Variants in CLYBL observed in about 807,000 individuals in gnomAD.
CLYBL encodes the protein citramalyl-CoA lyase, mitochondrial.
Under a neutral mutation model 38.9 loss-of-function variants are expected in CLYBL, and 31 were observed. That is an observed-to-expected ratio of 0.80 (90% CI 0.60 to 1.08). CLYBL has a LOEUF of 1.08. CLYBL is among the 50% of genes least tolerant of loss of function. The probability of loss-of-function intolerance (pLI) is 0.00; values close to 1 mark genes in which losing one functional copy is unlikely to be tolerated. For synonymous variants in CLYBL, 171 were observed against 158.6 expected, an observed-to-expected ratio of 1.08 and a Z score of -0.59; for missense variants, 434 against 411.6, an observed-to-expected ratio of 1.05 and a Z score of -0.47.
At chr13:99,673,270 G>C (rs1256729567) in intron 1 of CLYBL, among the ~76,000 whole-genome samples, 2 of 151,936 alleles carry the variant, frequency 1.3e-5, no homozygotes, top group South Asian at 4.2e-4. Flanking sequence ...AAAATTAGCC[G>C]GGCATGGTGG....
intron 2 of CLYBL, among the ~76,000 whole-genome samples, chr13:99,788,795 C>T (rs969993674): frequency 6.6e-6 from 1 of 152,130 alleles, no homozygotes; most frequent in East Asian, 1.9e-4. Flanking sequence ...CCTCCTTGTA[C>T]CTCTGGTAGA....
intron 1 of CLYBL, among the ~76,000 whole-genome samples, chr13:99,716,791 T>TTTTC (rs1566299495): frequency 1.4e-5 from 2 of 142,910 alleles, no homozygotes; most frequent in Admixed American, 6.9e-5. Flanking sequence ...TCTTTTCTTT[T>TTTTC]TTTTTTTTTT....
intron 1 of CLYBL, among the ~76,000 whole-genome samples, chr13:99,607,999 C>T (rs1164476361): frequency 1.3e-5 from 2 of 151,644 alleles, no homozygotes; most frequent in East Asian, 1.9e-4. Flanking sequence ...CCCGGATCAG[C>T]CTCCCAAAGT....
chr13:99,685,108 T>C (rs527386596), intron 1 of CLYBL, among the ~76,000 whole-genome samples: 1 of 152,336 alleles, frequency 6.6e-6, no homozygotes, highest in Non-Finnish European at 1.5e-5. Flanking sequence ...TTAAAGTCCA[T>C]AGGAGTCTTG....
At chr13:99,699,314 G>A (rs1248519576) in intron 1 of CLYBL, among the ~76,000 whole-genome samples, 1 of 152,246 alleles carries the variant, frequency 6.6e-6, no homozygotes, top group East Asian at 1.9e-4. Flanking sequence ...GAACCCGGGA[G>A]GTGGAGGTTG....
At chr13:99,643,872 G>A (rs2047131487) in intron 1 of CLYBL, among the ~76,000 whole-genome samples, 1 of 152,022 alleles carries the variant, frequency 6.6e-6, no homozygotes, top group Non-Finnish European at 1.5e-5. Context: ...TGGGAGTGGT[G>A]GCGGCGCCTG....
chr13:99,797,031 G>A (rs1332422265), intron 2 of CLYBL, among the ~76,000 whole-genome samples: 2 of 152,192 alleles, frequency 1.3e-5, no homozygotes, highest in African/African-American at 4.8e-5. Context: ...TGGGTTACAT[G>A]TGATCAATAT....
intron 1 of CLYBL, among the ~76,000 whole-genome samples, chr13:99,735,304 C>G (rs1054070199): frequency 2.6e-5 from 4 of 152,180 alleles, no homozygotes; most frequent in African/African-American, 9.7e-5. Flanking sequence ...AGCCATCCTC[C>G]CGCCTCAGCC....
rs536629983 is a variant in CLYBL at position 99,728,271 on chromosome 13, T to C, written c.63-44553T>C. Among the ~76,000 whole-genome samples, 485 of 135,646 alleles carry C rather than the reference T, an allele frequency of 3.6e-3. 3 individuals carry two copies. Among genetic ancestry groups the C allele is most frequent in the Non-Finnish European group, 4.9e-3 (314 of 63,738 alleles). The allele number at this position is 135,646 out of a possible 152,430, so 89.0% of individuals were successfully genotyped here. A position where few individuals can be genotyped will look rare whatever the true frequency, so the allele number is the denominator to read the frequency against. ...TTAATACTTAATATACATATGTTTCTTTTCTTTTCTTTTTTTTTTTTTTTT... is the reference window on the plus strand; with the variant it reads ...TTAATACTTAATATACATATGTTTCCTTTCTTTTCTTTTTTTTTTTTTTTT... On this transcript the variant is annotated intron_variant, in intron 1 of 8. Transcript: ENST00000339105.
At chr13:99,854,846 G>A (rs2051420397) in intron 2 of CLYBL, among the ~76,000 whole-genome samples, 1 of 152,132 alleles carries the variant, frequency 6.6e-6, no homozygotes, top group Non-Finnish European at 1.5e-5. Context: ...AGCACGCCTT[G>A]GTTCCTGGCC....
intron 6 of CLYBL, among the ~76,000 whole-genome samples, chr13:99,870,185 C>T (rs1218662903): frequency 6.6e-6 from 1 of 151,854 alleles, no homozygotes; most frequent in Non-Finnish European, 1.5e-5. Context: ...TTCTATAAGC[C>T]AAAAGGGAAA....
At chr13:99,712,174 A>T (rs2048244316) in intron 1 of CLYBL, among the ~76,000 whole-genome samples, 1 of 152,130 alleles carries the variant, frequency 6.6e-6, no homozygotes, top group Non-Finnish European at 1.5e-5. Context: ...TCTGCTATGG[A>T]AGTTGAAGAC....
At chr13:99,713,029 T>C (rs1488277787) in intron 1 of CLYBL, among the ~76,000 whole-genome samples, 2 of 152,204 alleles carry the variant, frequency 1.3e-5, no homozygotes, top group African/African-American at 2.4e-5. Flanking sequence ...TCTTCAGACT[T>C]CATGGAAAAC....
chr13:99,810,503 G>A (rs1314252445), intron 2 of CLYBL, among the ~76,000 whole-genome samples: 1 of 152,172 alleles, frequency 6.6e-6, no homozygotes, highest in African/African-American at 2.4e-5. Flanking sequence ...GCACTGCCAA[G>A]AAACTGTGAG....
Position 99,836,274 on chromosome 13 carries a change from C to T in CLYBL, c.250-22587C>T, listed in dbSNP as rs188961189. ...GAGACGCAGATCTAGAAGATGTCTC[C>T]CTCTACCCCTGGCCCTGCATACAGG... On this transcript the variant is annotated intron_variant, in intron 2 of 8. Coordinates refer to ENST00000339105, the MANE Select transcript of CLYBL (RefSeq NM_206808.5). Among the ~76,000 whole-genome samples the T allele has an allele frequency of 2.4e-3, 372 of 152,070 alleles. 2 individuals carry two copies. The highest frequency in any genetic ancestry group is 8.5e-3 in the African/African-American group (350 of 41,382).
intron 8 of CLYBL, among the ~76,000 whole-genome samples, chr13:99,904,703 A>G (rs1163355132): frequency 6.6e-6 from 1 of 152,186 alleles, no homozygotes; most frequent in Non-Finnish European, 1.5e-5. Flanking sequence ...TACTTAAAGC[A>G]TATAAGTAAA....
At chr13:99,877,554 T>C (rs2052077453) in intron 7 of CLYBL, 2 of 357,554 alleles carry the variant, frequency 5.6e-6, no homozygotes, top group Non-Finnish European at 1.1e-5. Context: ...TTGTATTAAT[T>C]AAAGAATTTT....
chr13:99,747,007 C>T (rs999292636), intron 1 of CLYBL, among the ~76,000 whole-genome samples: 4 of 152,196 alleles, frequency 2.6e-5, no homozygotes, highest in Admixed American at 6.5e-5. Flanking sequence ...GCAGGTTTCC[C>T]TCTTGACCTC....
intron 1 of CLYBL, among the ~76,000 whole-genome samples, chr13:99,662,324 A>C (rs938342302): frequency 2.0e-5 from 3 of 152,222 alleles, no homozygotes; most frequent in African/African-American, 7.2e-5. Context: ...GCTATTAATA[A>C]TTTTTTAAAG....
Sources: allele counts gnomAD v4.1 joint callset (sites outside exome capture counted in the v4.1 genomes callset), GRCh38; gene constraint gnomAD v4.1.1; transcripts MANE v1.5; gene names NCBI Gene and HGNC (gene_info 2026-07-23, HGNC 2026-07-21).